The following PABPC4L variants were observed in gnomAD, a reference collection of about 807,000 sequenced individuals.
The protein encoded by PABPC4L is polyadenylate-binding protein 4-like.
For synonymous variants in PABPC4L, 169 were observed against 164.1 expected, an observed-to-expected ratio of 1.03 and a Z score of -0.23; for missense variants, 452 against 451.4, an observed-to-expected ratio of 1.00 and a Z score of -0.01.
At chr4:134,127,689 A>G in the PABPC4L span, among the ~76,000 whole-genome samples, 1 of 152,102 alleles carries the variant, frequency 6.6e-6, no homozygotes, top group Non-Finnish European at 1.5e-5. Flanking sequence ...GACATAGTCT[A>G]CCCAAATGAG....
the PABPC4L span, among the ~76,000 whole-genome samples, chr4:133,998,162 A>G: frequency 6.6e-6 from 1 of 151,728 alleles, no homozygotes; most frequent in East Asian, 1.9e-4. Flanking sequence ...TTCCTATCCT[A>G]TGGTTATAAT....
the PABPC4L span, among the ~76,000 whole-genome samples, chr4:134,128,444 A>G: frequency 4.5e-4 from 68 of 152,296 alleles, no homozygotes; most frequent in African/African-American, 1.4e-3. Context: ...AGGAAAATCA[A>G]CTGCAGATTT....
chr4:133,951,030 A>G, the PABPC4L span, among the ~76,000 whole-genome samples: 1 of 152,314 alleles, frequency 6.6e-6, no homozygotes, highest in South Asian at 2.1e-4. Flanking sequence ...TATAATTTAC[A>G]GGTTTGGGCT....
the PABPC4L span, among the ~76,000 whole-genome samples, chr4:134,010,274 G>A: frequency 6.6e-6 from 1 of 151,762 alleles, no homozygotes; most frequent in South Asian, 2.1e-4. Context: ...ATGCTTTTAG[G>A]TACTGCTTTA....
chr4:134,038,288 T>C, the PABPC4L span, among the ~76,000 whole-genome samples: 11 of 152,236 alleles, frequency 7.2e-5, no homozygotes, highest in Middle Eastern at 3.4e-3. Flanking sequence ...ATTTCCTTTT[T>C]TTGTTGTGTC....
the PABPC4L span, among the ~76,000 whole-genome samples, chr4:134,047,872 T>C: frequency 2.0e-5 from 3 of 151,690 alleles, no homozygotes; most frequent in African/African-American, 7.3e-5. Context: ...AAATATTTCC[T>C]TCAGTATTTT....
chr4:134,119,410 C>T, the PABPC4L span, among the ~76,000 whole-genome samples: 1 of 151,600 alleles, frequency 6.6e-6, no homozygotes, highest in Admixed American at 6.6e-5. Context: ...ATAATTATTT[C>T]TGATTATTTC....
the PABPC4L span, among the ~76,000 whole-genome samples, chr4:134,124,154 T>C: frequency 1.3e-5 from 2 of 151,514 alleles, no homozygotes; most frequent in Admixed American, 1.3e-4. Flanking sequence ...TAATAAGTAC[T>C]GTGAAAGCTA....
the PABPC4L span, among the ~76,000 whole-genome samples, chr4:134,041,842 C>A: frequency 6.6e-6 from 1 of 152,072 alleles, no homozygotes; most frequent in Non-Finnish European, 1.5e-5. Context: ...TAAATGAATA[C>A]AATCTCTATG....
chr4:134,042,962 A>C, the PABPC4L span, among the ~76,000 whole-genome samples: 5 of 152,266 alleles, frequency 3.3e-5, no homozygotes, highest in South Asian at 1.0e-3. Context: ...TCTTTCAATC[A>C]TCAGTCCCAA....
chr4:134,044,633 A>G, the PABPC4L span, among the ~76,000 whole-genome samples: 1 of 152,192 alleles, frequency 6.6e-6, no homozygotes, highest in African/African-American at 2.4e-5. Context: ...TTCTCTGATT[A>G]TACTTGTCAT....
the PABPC4L span, among the ~76,000 whole-genome samples, chr4:134,135,866 C>T: frequency 2.0e-5 from 3 of 151,870 alleles, no homozygotes; most frequent in Non-Finnish European, 2.9e-5. Flanking sequence ...TAAAACACAG[C>T]AGAAAAGTAC....
At chr4:134,079,602 A>C in the PABPC4L span, among the ~76,000 whole-genome samples, 4 of 145,706 alleles carry the variant, frequency 2.7e-5, no homozygotes, top group African/African-American at 5.1e-5. Flanking sequence ...AAAAAAAAAA[A>C]AAAAAAAAAC....
chr4:134,139,849 T>C, the PABPC4L span, among the ~76,000 whole-genome samples: 1 of 151,834 alleles, frequency 6.6e-6, no homozygotes, highest in Non-Finnish European at 1.5e-5. Context: ...CATGGAATAT[T>C]TGATCTCTTG....
the PABPC4L span, among the ~76,000 whole-genome samples, chr4:134,176,725 G>A: frequency 2.6e-5 from 4 of 152,046 alleles, no homozygotes; most frequent in Non-Finnish European, 2.9e-5. Flanking sequence ...GCATGTTTGG[G>A]CTCAACACGA....
At chr4:134,186,893 G>T in the PABPC4L span, among the ~76,000 whole-genome samples, 10 of 152,062 alleles carry the variant, frequency 6.6e-5, no homozygotes, top group African/African-American at 9.7e-5. Flanking sequence ...GATATGAACA[G>T]AAACTCCTCA....
chr4:134,042,899 C>T, the PABPC4L span, among the ~76,000 whole-genome samples: 1 of 151,892 alleles, frequency 6.6e-6, no homozygotes, highest in Non-Finnish European at 1.5e-5. Context: ...ATAGGGTGGC[C>T]TATTTTTCCT....
chr4:134,015,936 T>G, the PABPC4L span, among the ~76,000 whole-genome samples: 45,300 of 151,910 alleles, frequency 0.3, 7,209 homozygotes, highest in Admixed American at 0.38. Context: ...CACATATACT[T>G]TCTGCTTCCT....
chr4:134,015,812 T>A, the PABPC4L span, among the ~76,000 whole-genome samples: 10 of 152,280 alleles, frequency 6.6e-5, no homozygotes, highest in Non-Finnish European at 1.3e-4. Context: ...AGTCTGCGTG[T>A]GGCGGCTGCC....
Sources: gnomAD v4.1 joint callset for allele counts (sites outside exome capture counted in the v4.1 genomes callset) on GRCh38, gnomAD v4.1.1 for gene constraint, MANE v1.5 for transcripts, NCBI Gene and HGNC (gene_info 2026-07-23, HGNC 2026-07-21) for gene names.